Variants in ZNF791 observed in about 807,000 individuals in gnomAD.
ZNF791 encodes zinc finger protein 791.
Under a neutral mutation model 11.5 loss-of-function variants are expected in ZNF791, and 4 were observed. That is an observed-to-expected ratio of 0.35 (90% CI 0.17 to 0.80). The LOEUF (loss-of-function observed/expected upper bound fraction) is 0.80. ZNF791 is among the 30% of genes least tolerant of loss of function. The pLI, the probability that ZNF791 is intolerant of heterozygous loss-of-function variation, is 0.53. For synonymous variants in ZNF791, 212 were observed against 228.1 expected (o/e 0.93, Z 0.64); for missense variants, 559 against 699.4 (o/e 0.80, Z 2.26).
chr19:12,614,663 C>T (rs1029615533), intron 1 of ZNF791, among the ~76,000 whole-genome samples: 3 of 149,284 alleles, frequency 2.0e-5, no homozygotes, highest in African/African-American at 7.4e-5. Flanking sequence ...GGCACAATCT[C>T]GGCTCACCGC....
chr19:12,629,365 A>ATTC lies in ZNF791; in HGVS notation c.*106_*107insTCT. The ATTC allele has an allele frequency of 1.2e-6, 1 of 866,364 alleles. No homozygotes were observed. Among genetic ancestry groups the ATTC allele is most frequent in the Non-Finnish European group, 1.7e-6 (1 of 605,214 alleles). The allele number at this position is 866,364 out of a possible 1,614,324, so 53.7% of individuals were successfully genotyped here. On this transcript the variant is annotated 3_prime_UTR_variant, in exon 4 of 4. Transcript: ENST00000343325. ...GAGAGAAATCCTGTCAATGTAAGTA[A>ATTC]TATAGAAAGCGAGATACAAGATGAT... is the stretch of plus-strand genomic sequence containing the variant.
Position 12,630,852 on chromosome 19 carries a change from T to G in ZNF791, c.*1592T>G, listed in dbSNP as rs2023494465. On this transcript the variant is annotated 3_prime_UTR_variant, in exon 4 of 4. Coordinates refer to ENST00000343325, the MANE Select transcript of ZNF791 (RefSeq NM_153358.3). ...TATTTTTGTACAGCTGTACAATGTGTTTTAAGCTAAATTATTACAAAGTTT... is the reference window on the plus strand; with the variant it reads ...TATTTTTGTACAGCTGTACAATGTGGTTTAAGCTAAATTATTACAAAGTTT... The G allele has an allele frequency of 6.6e-6, 1 of 152,206 alleles. No homozygotes were observed. Among genetic ancestry groups the G allele is most frequent in the Non-Finnish European group, 1.5e-5 (1 of 68,030 alleles). 9.4% of individuals were successfully genotyped at this position (152,206 alleles called of 1,614,324 possible).
intron 1 of ZNF791, among the ~76,000 whole-genome samples, chr19:12,620,078 G>A (rs1045125182): frequency 4.6e-5 from 7 of 150,806 alleles, no homozygotes; most frequent in Non-Finnish European, 1.0e-4. Context: ...CGCCCGCCAC[G>A]GCACCCAGCT....
intron 1 of ZNF791, among the ~76,000 whole-genome samples, chr19:12,622,614 G>A (rs2023371387): frequency 6.6e-6 from 1 of 151,706 alleles, no homozygotes; most frequent in Non-Finnish European, 1.5e-5. Context: ...CAAAACCCCA[G>A]CCGGAGGCAG....
chr19:12,615,012 CTT>C (rs1180146927), intron 1 of ZNF791, among the ~76,000 whole-genome samples: 2 of 49,854 alleles, frequency 4.0e-5, no homozygotes, highest in African/African-American at 1.9e-4. Context: ...CTATGTTCAA[CTT>C]TTTTTTTTTT....
chr19:12,613,873 G>T (rs1022605527), intron 1 of ZNF791, among the ~76,000 whole-genome samples: 1 of 152,116 alleles, frequency 6.6e-6, no homozygotes, highest in African/African-American at 2.4e-5. Context: ...GAAGAGGGGA[G>T]GATGTCTGAG....
At chr19:12,620,969 C>T (rs1435506708) in intron 1 of ZNF791, among the ~76,000 whole-genome samples, 1 of 151,810 alleles carries the variant, frequency 6.6e-6, no homozygotes, top group Non-Finnish European at 1.5e-5. Context: ...CCATGTTGGC[C>T]AGGGTGGTCT....
intron 2 of ZNF791, among the ~76,000 whole-genome samples, 153 bp from the exon 3 acceptor site, chr19:12,624,497 G>A (rs1391867202): frequency 6.6e-6 from 1 of 152,016 alleles, no homozygotes; most frequent in Non-Finnish European, 1.5e-5. Context: ...GCCATTTCTT[G>A]CTCATAATCA....
intron 1 of ZNF791, among the ~76,000 whole-genome samples, chr19:12,617,287 G>A (rs1179208127): frequency 6.6e-6 from 1 of 151,812 alleles, no homozygotes; most frequent in Admixed American, 6.6e-5. Context: ...CACCATGCCT[G>A]TCTAATTTTT....
intron 1 of ZNF791, among the ~76,000 whole-genome samples, chr19:12,617,392 G>A (rs2023260767): frequency 6.6e-6 from 1 of 151,990 alleles, no homozygotes; most frequent in African/African-American, 2.4e-5. Context: ...CCAGAGTGCT[G>A]GGATTACAGG....
In ZNF791 at chr19:12,628,177, T is replaced by A; in HGVS notation, c.648T>A (p.Tyr216Ter). Residue 216 changes from tyrosine (Y) to a stop codon, truncating the protein, a stop_gained, in exon 4 of 4, where the codon TAT becomes TAA. Coordinates refer to ENST00000343325, the MANE Select transcript of ZNF791 (RefSeq NM_153358.3). LOFTEE classifies it low-confidence loss of function (END_TRUNC). ...HERIHTGEKPYECKQCGKAFS... is the reference protein window; with the variant it reads ...HERIHTGEKP ...GGATTCACACTGGAGAAAAGCCCTA[T>A]GAATGTAAACAATGTGGGAAAGCCT... 1 of 1,614,138 alleles carries A rather than the reference T, an allele frequency of 6.2e-7. No homozygotes were observed. Among genetic ancestry groups the A allele is most frequent in the Non-Finnish European group, 8.5e-7 (1 of 1,180,006 alleles).
chr19:12,611,873 C>T (rs993447245), intron 1 of ZNF791, among the ~76,000 whole-genome samples: 1 of 151,958 alleles, frequency 6.6e-6, no homozygotes, highest in African/African-American at 2.4e-5. Context: ...GGTTTATGAC[C>T]TTGAAAAGAT....
intron 1 of ZNF791, among the ~76,000 whole-genome samples, chr19:12,621,714 C>CGGA: frequency 1.3e-5 from 1 of 74,978 alleles, no homozygotes; most frequent in Non-Finnish European, 3.3e-5. Flanking sequence ...ACCTCCACCT[C>CGGA]GGTGGGGGGT....
rs902490720 is a variant in ZNF791 at position 12,629,532 on chromosome 19, ATTAT to A, written c.*276_*279del. 7.1e-5 allele frequency: 18 copies of A among 252,024 alleles called. No homozygotes were observed. Among genetic ancestry groups the A allele is most frequent in the African/African-American group, 3.8e-4 (17 of 44,806 alleles). 15.6% of individuals were successfully genotyped at this position (252,024 alleles called of 1,614,324 possible). ...CAGTAGTAACACCATAGTGCAGCAC[ATTAT>A]TTAAGTGTTTATGGTGCTGGTGTAA... On this transcript the variant is annotated 3_prime_UTR_variant, in exon 4 of 4. Transcript: ENST00000343325.
intron 1 of ZNF791, among the ~76,000 whole-genome samples, chr19:12,614,515 G>A (rs1256095541): frequency 6.6e-6 from 1 of 152,058 alleles, no homozygotes; most frequent in Non-Finnish European, 1.5e-5. Context: ...GAGATTACAG[G>A]TGTGAGCCAC....
intron 1 of ZNF791, chr19:12,623,461 T>A: frequency 2.1e-6 from 1 of 477,056 alleles, no homozygotes; most frequent in East Asian, 3.7e-5. Flanking sequence ...TGTGTAGGAT[T>A]TCTTTCATTT....
In ZNF791 at chr19:12,624,530, A is replaced by G. The variant is rs550140300; in HGVS notation, c.131-120A>G. ...TCACTGTTCCGAGATTTGGAATCTG[A>G]AAAGGAAACACTTCTGTAAATAAAC... On this transcript the variant is annotated intron_variant, in intron 2 of 3. Transcript: ENST00000343325. 6.1e-5 allele frequency: 44 copies of G among 723,042 alleles called. No individual in the cohort carries two copies. The East Asian group carries it at 1.4e-3, about 23-fold the overall frequency. The allele number at this position is 723,042 out of a possible 1,614,324, so 44.8% of individuals were successfully genotyped here.
chr19:12,621,923 A>G (rs112781224), intron 1 of ZNF791, among the ~76,000 whole-genome samples: 33,630 of 75,982 alleles, frequency 0.44, 9,729 homozygotes, highest in Non-Finnish European at 0.52. Flanking sequence ...AGGCGGGAAA[A>G]GTGGGGAAAA....
At chr19:12,614,975 C>G (rs2023223754) in intron 1 of ZNF791, among the ~76,000 whole-genome samples, 1 of 127,200 alleles carries the variant, frequency 7.9e-6, no homozygotes, top group African/African-American at 2.9e-5. Context: ...AACTCCTGGC[C>G]TCAGGCCGTC....
Sources: allele counts gnomAD v4.1 joint callset (sites outside exome capture counted in the v4.1 genomes callset), GRCh38; gene constraint gnomAD v4.1.1; transcripts MANE v1.5; gene names NCBI Gene and HGNC (gene_info 2026-07-23, HGNC 2026-07-21).